The following C9orf85 variants were observed in gnomAD, a reference collection of about 807,000 sequenced individuals.
C9orf85 encodes the protein chromosome 9 open reading frame 85, also known as uncharacterized protein C9orf85.
A neutral mutation model predicts 14.9 loss-of-function variants in C9orf85; 16 were observed. That is an observed-to-expected ratio of 1.08 (90% CI 0.73 to 1.63). C9orf85 has a LOEUF of 1.63. Ranked by LOEUF, C9orf85 falls within the 40% of genes most tolerant of loss-of-function variation. The pLI, the probability that C9orf85 is intolerant of heterozygous loss-of-function variation, is 0.00. For synonymous variants in C9orf85, 45 were observed against 56.8 expected (o/e 0.79, Z 0.93); for missense variants, 172 against 186.1 (o/e 0.92, Z 0.44).
intron 1 of C9orf85, among the ~76,000 whole-genome samples, chr9:71,930,983 C>T (rs1828058765): frequency 6.6e-6 from 1 of 152,106 alleles, no homozygotes; most frequent in African/African-American, 2.4e-5. Context: ...AAGGAATAGT[C>T]TCCCAACCTT....
At chr9:71,976,828 A>G (rs948122684), downstream of C9orf85, among the ~76,000 whole-genome samples, 6 of 151,688 alleles carry the variant, frequency 4.0e-5, no homozygotes, top group Non-Finnish European at 8.8e-5. Context: ...TTACTTCTCT[A>G]CATACTAGAA....
At chr9:71,974,993 A>G (rs1391896622), downstream of C9orf85, among the ~76,000 whole-genome samples, 2 of 152,212 alleles carry the variant, frequency 1.3e-5, no homozygotes, top group African/African-American at 4.8e-5. Flanking sequence ...TCCATACTGA[A>G]ATACTTAAGG....
At chr9:71,929,200 AATT>A (rs1180614228) in intron 1 of C9orf85, among the ~76,000 whole-genome samples, 2 of 152,168 alleles carry the variant, frequency 1.3e-5, no homozygotes, top group Non-Finnish European at 2.9e-5. Context: ...GGACATTACC[AATT>A]ATTATGTTTG....
chr9:71,937,098 G>A (rs760562186), intron 1 of C9orf85, among the ~76,000 whole-genome samples: 2 of 152,194 alleles, frequency 1.3e-5, no homozygotes, highest in Admixed American at 6.5e-5. Flanking sequence ...TATCAGCGCA[G>A]TGTTTGTTAG....
chr9:71,961,617 A>G lies in C9orf85; in HGVS notation c.210-9888A>G, dbSNP rs541702117. Among the ~76,000 whole-genome samples the G allele has an allele frequency of 3.9e-5, 6 of 152,256 alleles. No individual in the cohort carries two copies. In the South Asian group the frequency reaches 1.2e-3, roughly 32 times the overall value. ...AGAGTATTAAAATGTTCTAGAGTGGAGTTTTAGTCATTGATAGCTCTTTGT... is the reference window on the plus strand; with the variant it reads ...AGAGTATTAAAATGTTCTAGAGTGGGGTTTTAGTCATTGATAGCTCTTTGT... On this transcript the variant is annotated intron_variant, in intron 2 of 3. Coordinates refer to ENST00000334731, the MANE Select transcript of C9orf85 (RefSeq NM_182505.5).
chr9:71,935,281 A>G (rs1437670560), intron 1 of C9orf85, among the ~76,000 whole-genome samples: 1 of 152,218 alleles, frequency 6.6e-6, no homozygotes, highest in Non-Finnish European at 1.5e-5. Context: ...AAAAGAATTG[A>G]AAGCAGGGTC....
intron 2 of C9orf85, among the ~76,000 whole-genome samples, chr9:71,956,508 C>T (rs1279445796): frequency 4.1e-5 from 2 of 49,064 alleles, no homozygotes; most frequent in Non-Finnish European, 1.2e-4. Context: ...CTCAGCCTCC[C>T]AGAGTGCTGG....
At chr9:71,923,227 T>C (rs936175072) in intron 1 of C9orf85, among the ~76,000 whole-genome samples, 1 of 152,204 alleles carries the variant, frequency 6.6e-6, no homozygotes, top group Non-Finnish European at 1.5e-5. Context: ...TTCTACTTTT[T>C]ACTGTACTTC....
In C9orf85 at chr9:71,918,362, T is replaced by C. The variant is rs533428589; in HGVS notation, c.102+6526T>C. On this transcript the variant is annotated intron_variant, in intron 1 of 3. Coordinates refer to ENST00000334731, the MANE Select transcript of C9orf85 (RefSeq NM_182505.5). ...AGTTAACATTCTAACAGATATTGAA[T>C]ATCTCAGCTAACCACAAGTCACAAT... 5.2e-5 allele frequency: 51 copies of C among 975,404 alleles called. No individual in the cohort carries two copies. In the South Asian group the frequency reaches 7.1e-4, roughly 14 times the overall value. The allele number at this position is 975,404 out of a possible 1,614,324, so 60.4% of individuals were successfully genotyped here.
At chr9:71,936,912 C>A (rs1453510065) in intron 1 of C9orf85, among the ~76,000 whole-genome samples, 1 of 151,982 alleles carries the variant, frequency 6.6e-6, no homozygotes, top group Admixed American at 6.6e-5. Context: ...GTGTGCACCA[C>A]CTTGCCTGGC....
intron 2 of C9orf85, among the ~76,000 whole-genome samples, chr9:71,958,851 A>G (rs1469286553): frequency 1.3e-5 from 2 of 152,148 alleles, no homozygotes; most frequent in Non-Finnish European, 2.9e-5. Flanking sequence ...CTGCTTTACC[A>G]GAATCTAAGC....
Position 71,946,930 on chromosome 9 carries a change from C to T in C9orf85, c.103-76C>T, listed in dbSNP as rs556529425. ...CAGTTATATTTTAAAACTTACATCT[C>T]ATACACTCTTTTATGGGATTTGCAA... is the stretch of plus-strand genomic sequence containing the variant. On this transcript the variant is annotated intron_variant, in intron 1 of 3. Coordinates refer to ENST00000334731, the MANE Select transcript of C9orf85 (RefSeq NM_182505.5). The T allele has an allele frequency of 6.5e-6, 6 of 920,346 alleles. No homozygotes were observed. In the East Asian group the frequency reaches 1.6e-4, roughly 24 times the overall value. 57.0% of individuals were successfully genotyped at this position (920,346 alleles called of 1,614,324 possible).
intron 1 of C9orf85, among the ~76,000 whole-genome samples, chr9:71,920,912 C>T (rs1886256): frequency 0.94 from 142,355 of 152,182 alleles, 67,241 homozygotes; most frequent in East Asian, 1. Context: ...CCAAGGGGAC[C>T]TCAAAGAAAC....
At chr9:71,926,844 G>C (rs1466818507) in intron 1 of C9orf85, among the ~76,000 whole-genome samples, 1 of 151,880 alleles carries the variant, frequency 6.6e-6, no homozygotes. Context: ...ATATTTGGAG[G>C]CTCAAGCTAA....
In C9orf85 at chr9:71,917,117, G is replaced by A. The variant is rs549385973; in HGVS notation, c.102+5281G>A. On this transcript the variant is annotated intron_variant, in intron 1 of 3. Coordinates refer to ENST00000334731, the MANE Select transcript of C9orf85 (RefSeq NM_182505.5). Reference sequence around the variant, plus strand: ...AATTCAAAGGGCAAGTAAATCAAAAGCCCTCCATGTGTATGTGTGATTTTA... The same window carrying A: ...AATTCAAAGGGCAAGTAAATCAAAAACCCTCCATGTGTATGTGTGATTTTA... Among the ~76,000 whole-genome samples the A allele has an allele frequency of 2.7e-3, 405 of 152,296 alleles. 1 individual carries two copies. The highest frequency in any genetic ancestry group is 4.2e-3 in the Non-Finnish European group (285 of 68,018).
downstream of C9orf85, among the ~76,000 whole-genome samples, chr9:71,977,786 C>T (rs1420599866): frequency 2.0e-5 from 3 of 152,114 alleles, no homozygotes; most frequent in Non-Finnish European, 4.4e-5. Context: ...GTCAGCAATA[C>T]TGAATGTTAC....
intron 1 of C9orf85, among the ~76,000 whole-genome samples, chr9:71,921,247 C>T (rs534052605): frequency 6.6e-6 from 1 of 152,282 alleles, no homozygotes; most frequent in East Asian, 1.9e-4. Context: ...TCTCCTTCCC[C>T]TTAGGAGAGT....
intron 1 of C9orf85, among the ~76,000 whole-genome samples, chr9:71,946,108 A>G (rs1012779637): frequency 6.6e-6 from 1 of 152,248 alleles, no homozygotes; most frequent in African/African-American, 2.4e-5. Context: ...TTACATACAA[A>G]TACATATTAT....
chr9:71,912,107 G>A lies in C9orf85; in HGVS notation c.102+271G>A, dbSNP rs368324010. 187 of 454,890 alleles carry A rather than the reference G, an allele frequency of 4.1e-4. 1 individual carries two copies. Among genetic ancestry groups the A allele is most frequent in the African/African-American group, 2.8e-3 (143 of 50,378 alleles). 28.2% of individuals were successfully genotyped at this position (454,890 alleles called of 1,614,324 possible). ...TAATGAAATCTAAGGTGCAGATGGG[G>A]CAGTTACGTCGTTCAGCGTTCCCAT... On this transcript the variant is annotated intron_variant, in intron 1 of 3. Coordinates refer to ENST00000334731, the MANE Select transcript of C9orf85 (RefSeq NM_182505.5).
Sources: gnomAD v4.1 joint callset for allele counts (sites outside exome capture counted in the v4.1 genomes callset) on GRCh38, gnomAD v4.1.1 for gene constraint, MANE v1.5 for transcripts, NCBI Gene and HGNC (gene_info 2026-07-23, HGNC 2026-07-21) for gene names.